The following PTPRG variants were observed in gnomAD, a reference collection of about 807,000 sequenced individuals.
PTPRG encodes protein tyrosine phosphatase receptor type G.
PTPRG carries 102 observed loss-of-function variants against 165.3 expected under a neutral mutation model. That is an observed-to-expected ratio of 0.62 (90% CI 0.53 to 0.73). The LOEUF is 0.73. PTPRG is among the 30% of genes least tolerant of loss of function. PTPRG has a pLI of 0.00. For synonymous variants in PTPRG, 675 were observed against 669.5 expected, an observed-to-expected ratio of 1.01 and a Z score of -0.13; for missense variants, 1,866 against 1,861.4, an observed-to-expected ratio of 1.00 and a Z score of -0.05.
At chr3:61,976,683 A>T (rs528005674) in intron 2 of PTPRG, among the ~76,000 whole-genome samples, 9 of 151,380 alleles carry the variant, frequency 5.9e-5, no homozygotes, top group South Asian at 2.1e-4. Context: ...TTTTTAAAAA[A>T]TTTTTTTTTG....
At chr3:61,829,415 G>T (rs1441576082) in intron 2 of PTPRG, among the ~76,000 whole-genome samples, 3 of 152,254 alleles carry the variant, frequency 2.0e-5, no homozygotes, top group Admixed American at 1.3e-4. Context: ...CTCTGTCGAG[G>T]CGGGTGCAGG....
At chr3:62,017,013 T>G (rs2041562045) in intron 4 of PTPRG, among the ~76,000 whole-genome samples, 3 of 152,174 alleles carry the variant, frequency 2.0e-5, no homozygotes. Context: ...TACTTATTTA[T>G]TAACTCCCTC....
chr3:61,619,496 T>A (rs1323991319), intron 1 of PTPRG, among the ~76,000 whole-genome samples: 1 of 152,152 alleles, frequency 6.6e-6, no homozygotes, highest in Admixed American at 6.5e-5. Flanking sequence ...CATCCAGTAG[T>A]GCACAGGACA....
intron 2 of PTPRG, among the ~76,000 whole-genome samples, chr3:61,878,299 G>A (rs1274902253): frequency 6.6e-6 from 1 of 152,182 alleles, no homozygotes; most frequent in East Asian, 1.9e-4. Flanking sequence ...GTAAATATGA[G>A]CTGGAAGGAT....
intron 1 of PTPRG, among the ~76,000 whole-genome samples, chr3:61,624,576 A>G (rs1203996204): frequency 6.6e-6 from 1 of 152,174 alleles, no homozygotes; most frequent in Non-Finnish European, 1.5e-5. Flanking sequence ...GCTGAGTTCT[A>G]TTAATACCTG....
chr3:62,003,584 C>T, intron 4 of PTPRG, 87 bp downstream of exon 4: 2 of 1,527,798 alleles, frequency 1.3e-6, no homozygotes, highest in Admixed American at 1.9e-5. Context: ...AGTCATTTTG[C>T]AAATCACAGC....
At position 62,222,050 on chromosome 3, in the gene PTPRG, C is replaced by CT. The variant is rs1391647855; in HGVS notation, c.2288+3070dup. The stretch of plus-strand genomic sequence containing the variant: ...CTGTCCTTTCTATTTGACCCACATT[C>CT]TTTGACCAAGGAAGAGAACGAGAAC... On this transcript the variant is annotated intron_variant, in intron 13 of 29. Transcript: ENST00000474889. This position sits in a 1 kb window ranked among gnomAD's most constrained non-coding sequence, Gnocchi z 4.5. Among the ~76,000 whole-genome samples, 1 of 152,244 alleles carries CT rather than the reference C, an allele frequency of 6.6e-6. No individual in the cohort carries two copies. The highest frequency in any genetic ancestry group is 2.4e-5 in the African/African-American group (1 of 41,478).
intron 8 of PTPRG, among the ~76,000 whole-genome samples, chr3:62,189,066 G>A (rs1026663643): frequency 2.6e-5 from 4 of 152,088 alleles, no homozygotes; most frequent in Admixed American, 1.3e-4. Flanking sequence ...TCATGTCTCC[G>A]TGGAAGCCTC....
At chr3:61,850,651 A>G (rs1370008003) in intron 2 of PTPRG, among the ~76,000 whole-genome samples, 1 of 152,078 alleles carries the variant, frequency 6.6e-6, no homozygotes, top group East Asian at 1.9e-4. Flanking sequence ...TTTTATAGTT[A>G]TTTATTTGCT....
At chr3:62,037,037 A>G (rs1354788377) in intron 4 of PTPRG, among the ~76,000 whole-genome samples, 1 of 152,122 alleles carries the variant, frequency 6.6e-6, no homozygotes, top group East Asian at 1.9e-4. Flanking sequence ...AAAGCCACTA[A>G]TAGTAATTAT....
At chr3:62,270,451 A>G (rs1455199813) in intron 20 of PTPRG, among the ~76,000 whole-genome samples, 1 of 152,210 alleles carries the variant, frequency 6.6e-6, no homozygotes, top group Admixed American at 6.5e-5. Flanking sequence ...AAGATGATCA[A>G]TAACCAGCAA....
At chr3:62,200,644 A>C (rs1418118344) in intron 10 of PTPRG, among the ~76,000 whole-genome samples, 1 of 152,208 alleles carries the variant, frequency 6.6e-6, no homozygotes, top group Non-Finnish European at 1.5e-5. Context: ...TTTCTAAGTT[A>C]TATTGTTTAA....
chr3:61,680,739 G>A (rs1359627869), intron 1 of PTPRG, among the ~76,000 whole-genome samples: 1 of 131,956 alleles, frequency 7.6e-6, no homozygotes, highest in African/African-American at 2.6e-5. Context: ...TGGTTATCAG[G>A]TGTGGTACAG....
chr3:62,267,644 A>G (rs919579798), intron 18 of PTPRG, 41 bp from the exon 19 acceptor site: 5 of 1,597,610 alleles, frequency 3.1e-6, no homozygotes, highest in South Asian at 1.1e-5. Context: ...GTCTTCTGTG[A>G]TAACTGCTTT....
At position 61,840,271 on chromosome 3, in the gene PTPRG, T is replaced by C. The variant is rs143748102; in HGVS notation, c.190+91289T>C. Reference sequence around the variant, plus strand: ...TAAGTGTAGTTAACATTCTTAAGAATATTTTTTGCTAGTTTTCTGTCTGAA... The same window carrying C: ...TAAGTGTAGTTAACATTCTTAAGAACATTTTTTGCTAGTTTTCTGTCTGAA... On this transcript the variant is annotated intron_variant, in intron 2 of 29. Transcript: ENST00000474889. Among the ~76,000 whole-genome samples, 6 of 152,082 alleles carry C rather than the reference T, an allele frequency of 3.9e-5. No homozygotes were observed. The East Asian group carries it at 1.2e-3, about 29-fold the overall frequency.
chr3:61,944,685 GA>G (rs1027840010), intron 2 of PTPRG, among the ~76,000 whole-genome samples: 38 of 151,490 alleles, frequency 2.5e-4, no homozygotes, highest in African/African-American at 8.2e-4. Flanking sequence ...GTATAATCTT[GA>G]AAAAAAAATT....
At position 62,203,285 on chromosome 3, in the gene PTPRG, G is replaced by A. The variant is rs752287431; in HGVS notation, c.1490G>A (p.Gly497Asp). ...FSFVSMATGM[G>D]PSSSGSQATV... ...TTTGTTTCCATGGCAACTGGGATGG[G>A]CCCCTCCTCCAGTGGCAGCCAGGCC... The change falls in exon 12 of 30, where the codon GGC (glycine) becomes GAC (aspartate). Residue 497 changes from glycine to aspartate, a missense_variant. Coordinates refer to ENST00000474889, the MANE Select transcript of PTPRG (RefSeq NM_002841.4). This position sits in a 1 kb window ranked among gnomAD's most constrained non-coding sequence, Gnocchi z 6.4. 1 of 1,613,472 alleles carries A rather than the reference G, an allele frequency of 6.2e-7. No individual in the cohort carries two copies. The highest frequency in any genetic ancestry group is 1.7e-5 in the Admixed American group (1 of 59,942).
At chr3:62,188,172 A>T (rs923637048) in intron 8 of PTPRG, among the ~76,000 whole-genome samples, 2 of 152,198 alleles carry the variant, frequency 1.3e-5, no homozygotes, top group African/African-American at 4.8e-5. Context: ...CCAGAAGTTC[A>T]AGACCAGCAT....
chr3:62,029,686 T>C (rs938667741), intron 4 of PTPRG, among the ~76,000 whole-genome samples: 1 of 152,186 alleles, frequency 6.6e-6, no homozygotes, highest in African/African-American at 2.4e-5. Flanking sequence ...CCCATTCTGA[T>C]TGTGCCAAAA....
Sources: gnomAD v4.1 joint callset for allele counts (sites outside exome capture counted in the v4.1 genomes callset) on GRCh38, gnomAD v4.1.1 for gene constraint, Gnocchi (gnomAD v3.1) non-coding constraint, MANE v1.5 for transcripts, NCBI Gene and HGNC (gene_info 2026-07-23, HGNC 2026-07-21) for gene names.